The following KAT6B variants were observed in gnomAD, a reference collection of about 807,000 sequenced individuals.
KAT6B encodes the protein lysine acetyltransferase 6B.
Under a neutral mutation model 187.5 loss-of-function variants are expected in KAT6B, and 10 were observed. The observed-to-expected ratio is 0.05, with a 90% CI of 0.03 to 0.09. KAT6B has a LOEUF of 0.09. KAT6B is among the 10% of genes least tolerant of loss of function. The pLI is 1.00. For synonymous variants in KAT6B, 861 were observed against 926.8 expected (o/e 0.93, Z 1.29); for missense variants, 1,952 against 2,558.9 (o/e 0.76, Z 5.12).
chr10:74,859,110 T>A (rs1203644091), intron 3 of KAT6B, among the ~76,000 whole-genome samples: 4 of 152,118 alleles, frequency 2.6e-5, no homozygotes, highest in Non-Finnish European at 4.4e-5. Flanking sequence ...AGACAACGTC[T>A]TGCTCTGTTG....
intron 3 of KAT6B, among the ~76,000 whole-genome samples, chr10:74,929,460 C>G (rs1848718363): frequency 6.6e-6 from 1 of 152,128 alleles, no homozygotes; most frequent in Admixed American, 6.5e-5. Flanking sequence ...ATTAGTCATA[C>G]ATTGACCGAA....
intron 3 of KAT6B, among the ~76,000 whole-genome samples, chr10:74,886,970 G>T (rs188406046): frequency 6.6e-6 from 1 of 152,322 alleles, no homozygotes; most frequent in Admixed American, 6.5e-5. Context: ...GGGAGACCAT[G>T]TCAGCAGTGG....
At chr10:75,028,453 GT>G (rs746986615) in intron 17 of KAT6B, 35 bp from the exon 18 acceptor site, 21 of 1,613,386 alleles carry the variant, frequency 1.3e-5, no homozygotes, top group African/African-American at 2.7e-5. Flanking sequence ...TTCTAAGACT[GT>G]TTTTTTTCCT....
chr10:75,000,156 A>G (rs1169914676), intron 13 of KAT6B, among the ~76,000 whole-genome samples: 2 of 151,492 alleles, frequency 1.3e-5, no homozygotes, highest in African/African-American at 2.4e-5. Context: ...TGGGCGACAG[A>G]GCAAGACTCT....
At chr10:74,976,785 C>T (rs981367956) in intron 8 of KAT6B, 2 of 287,286 alleles carry the variant, frequency 7.0e-6, no homozygotes, top group South Asian at 3.6e-5. Flanking sequence ...ATCCTGCTTC[C>T]GTCTCAGCAA....
At chr10:74,964,883 A>G (rs1178551052) in intron 4 of KAT6B, among the ~76,000 whole-genome samples, 1 of 152,220 alleles carries the variant, frequency 6.6e-6, no homozygotes, top group Non-Finnish European at 1.5e-5. Context: ...ATTCTAAATC[A>G]TAATATGTAT....
chr10:75,002,859 G>A (rs957708299), intron 13 of KAT6B, among the ~76,000 whole-genome samples: 39 of 152,228 alleles, frequency 2.6e-4, no homozygotes, highest in Admixed American at 2.2e-3. Flanking sequence ...CTTCATGAGA[G>A]TGTGGACTTT....
rs746322915 is a variant in KAT6B at position 74,972,522 on chromosome 10, A to T, written c.944A>T (p.Gln315Leu). Reference protein sequence around the residue: ...SRMPKGMWICQVCRPKKKGRK... With the variant: ...SRMPKGMWICLVCRPKKKGRK... ...ATTAATTCAGGGATGTGGATTTGCC[A>T]AGTCTGCAGACCAAAGAAAAAGGGA... Residue 315 changes from glutamine (Q) to leucine (L), a missense_variant, in exon 7 of 18, where the codon CAA (glutamine) becomes CTA (leucine). By Grantham distance (113) the Gln-to-Leu change is moderately radical. Around this residue, in one of 9 missense-constraint regions of KAT6B, gnomAD observed 417 missense variants for 508.9 expected, o/e 0.82. Coordinates refer to ENST00000287239, the MANE Select transcript of KAT6B (RefSeq NM_012330.4). 1 of 1,603,204 alleles carries T rather than the reference A, an allele frequency of 6.2e-7. No homozygotes were observed. Among genetic ancestry groups the T allele is most frequent in the Non-Finnish European group, 8.5e-7 (1 of 1,171,242 alleles).
At chr10:74,840,295 T>C (rs749771445) in intron 2 of KAT6B, among the ~76,000 whole-genome samples, 2 of 152,184 alleles carry the variant, frequency 1.3e-5, no homozygotes, top group Admixed American at 6.5e-5. Flanking sequence ...CAATGTGATA[T>C]GTGGAAGGGT....
chr10:74,974,482 C>G (rs1162708115), intron 7 of KAT6B, among the ~76,000 whole-genome samples: 1 of 152,176 alleles, frequency 6.6e-6, no homozygotes, highest in East Asian at 1.9e-4. Flanking sequence ...AAATGTTTCT[C>G]TATTGTATAA....
At chr10:75,001,641 T>A (rs1843842383) in intron 13 of KAT6B, among the ~76,000 whole-genome samples, 1 of 152,232 alleles carries the variant, frequency 6.6e-6, no homozygotes, top group Non-Finnish European at 1.5e-5. Context: ...GGCTATTTTG[T>A]TTAAAAGAGC....
intron 13 of KAT6B, among the ~76,000 whole-genome samples, chr10:74,989,635 C>T (rs1409129168): frequency 6.6e-6 from 1 of 152,136 alleles, no homozygotes; most frequent in Non-Finnish European, 1.5e-5. Context: ...GAAATTAATA[C>T]AGTGTTTGTA....
chr10:74,963,122 A>G (rs951625647), intron 4 of KAT6B, among the ~76,000 whole-genome samples: 31 of 152,252 alleles, frequency 2.0e-4, no homozygotes, highest in African/African-American at 7.0e-4. Flanking sequence ...ACAAATGTGA[A>G]GGATTATTCC....
At chr10:74,826,037 TGCCCGCCCGCGCGC>T (rs903754589), upstream of KAT6B, among the ~76,000 whole-genome samples, 21 of 149,514 alleles carry the variant, frequency 1.4e-4, no homozygotes, top group African/African-American at 3.5e-4. Flanking sequence ...TAACTTCGCG[TGCCCGCCCGCGCGC>T]GCCCGCCCGC....
At chr10:75,021,659 G>T (rs146272678) in intron 15 of KAT6B, among the ~76,000 whole-genome samples, 1 of 152,226 alleles carries the variant, frequency 6.6e-6, no homozygotes, top group East Asian at 1.9e-4. Flanking sequence ...AAATCAATTC[G>T]CTGCATCATT....
At chr10:74,967,477 G>A (rs1346430830) in intron 4 of KAT6B, among the ~76,000 whole-genome samples, 2 of 152,118 alleles carry the variant, frequency 1.3e-5, no homozygotes, top group East Asian at 3.8e-4. Context: ...GACACGTTAC[G>A]GTCTTTTGTG....
intron 3 of KAT6B, among the ~76,000 whole-genome samples, chr10:74,940,591 T>C (rs1849601132): frequency 6.7e-6 from 1 of 150,178 alleles, no homozygotes; most frequent in Non-Finnish European, 1.5e-5. Flanking sequence ...TTTTTTTTTT[T>C]CTTTCTTTAA....
intron 1 of KAT6B, among the ~76,000 whole-genome samples, chr10:74,836,076 C>T (rs954622252): frequency 2.0e-5 from 3 of 152,146 alleles, no homozygotes; most frequent in Admixed American, 6.5e-5. Flanking sequence ...TGATGTGTGG[C>T]CTTTTGTGTC....
At chr10:74,883,986 A>G (rs1289339365) in intron 3 of KAT6B, among the ~76,000 whole-genome samples, 2 of 152,176 alleles carry the variant, frequency 1.3e-5, no homozygotes, top group Non-Finnish European at 2.9e-5. Context: ...TCTTTTCTCT[A>G]ACTCCCTTAT....
Sources: allele counts gnomAD v4.1 joint callset (sites outside exome capture counted in the v4.1 genomes callset), GRCh38; gene constraint gnomAD v4.1.1; regional missense constraint gnomAD v4.1.1; transcripts MANE v1.5; gene names NCBI Gene and HGNC (gene_info 2026-07-23, HGNC 2026-07-21).